Variants in NYAP2 observed in about 807,000 individuals in gnomAD.
NYAP2 encodes neuronal tyrosine-phosphorylated phosphoinositide-3-kinase adapter 2.
Under a neutral mutation model 50.4 loss-of-function variants are expected in NYAP2, and 23 were observed. The ratio of observed to expected loss-of-function variants is 0.46; its 90% confidence interval spans 0.33 to 0.65. NYAP2 has a LOEUF of 0.65. Among genes scored for constraint, NYAP2 ranks in the 30% least tolerant of loss-of-function variants. NYAP2 has a pLI of 0.02. For synonymous variants in NYAP2, 394 were observed against 365.2 expected (o/e 1.08, Z -0.90); for missense variants, 885 against 861.0 (o/e 1.03, Z -0.35).
intron 3 of NYAP2, among the ~76,000 whole-genome samples, chr2:225,495,747 C>T (rs1045144336): frequency 7.9e-5 from 12 of 152,032 alleles, no homozygotes; most frequent in Admixed American, 2.6e-4. Flanking sequence ...GCAGTGTCGC[C>T]GCATTATGTA....
At chr2:225,655,913 C>CACACACACACAT (rs1693815720), downstream of NYAP2, among the ~76,000 whole-genome samples, 4 of 147,550 alleles carry the variant, frequency 2.7e-5, no homozygotes, top group African/African-American at 9.9e-5. Flanking sequence ...CACACACACA[C>CACACACACACAT]ACACACACAC....
chr2:225,553,198 A>G (rs980834500), intron 4 of NYAP2, among the ~76,000 whole-genome samples: 1 of 152,268 alleles, frequency 6.6e-6, no homozygotes, highest in African/African-American at 2.4e-5. Context: ...AGCTGGTTCT[A>G]GGACCACTAG....
intron 5 of NYAP2, among the ~76,000 whole-genome samples, chr2:225,587,003 C>T (rs761699945): frequency 6.6e-6 from 1 of 152,190 alleles, no homozygotes; most frequent in Non-Finnish European, 1.5e-5. Context: ...ACCTTTTTCA[C>T]ATGGTGGCAG....
intron 5 of NYAP2, among the ~76,000 whole-genome samples, chr2:225,616,576 T>C (rs1304376176): frequency 1.3e-5 from 2 of 152,164 alleles, no homozygotes; most frequent in African/African-American, 4.8e-5. Context: ...TAGATTCGTA[T>C]CAGGAGTACC....
intron 5 of NYAP2, among the ~76,000 whole-genome samples, chr2:225,608,679 TA>T (rs1692830664): frequency 6.6e-6 from 1 of 152,130 alleles, no homozygotes; most frequent in African/African-American, 2.4e-5. Flanking sequence ...TTGTGGGCTT[TA>T]ACTTGCTTAT....
intron 4 of NYAP2, among the ~76,000 whole-genome samples, chr2:225,568,886 C>T (rs76316862): frequency 1.3e-5 from 2 of 152,016 alleles, no homozygotes; most frequent in Admixed American, 6.6e-5. Flanking sequence ...AAAGCTTTCC[C>T]CCTTATACTC....
intron 5 of NYAP2, among the ~76,000 whole-genome samples, chr2:225,598,981 G>C (rs1379698062): frequency 6.6e-6 from 1 of 152,200 alleles, no homozygotes. Flanking sequence ...ATTTAAGGAA[G>C]CCAGGAAGCT....
intron 2 of NYAP2, among the ~76,000 whole-genome samples, chr2:225,407,308 A>G (rs1221917912): frequency 6.6e-6 from 1 of 152,032 alleles, no homozygotes; most frequent in Non-Finnish European, 1.5e-5. Context: ...ATTCAATTAC[A>G]CCAGATAGTT....
chr2:225,547,150 A>G (rs1271867025), intron 4 of NYAP2, among the ~76,000 whole-genome samples: 1 of 152,178 alleles, frequency 6.6e-6, no homozygotes, highest in Non-Finnish European at 1.5e-5. Context: ...TGCACTGCCA[A>G]GCAAACCATT....
chr2:225,408,983 G>A, exon 3 of NYAP2: 1 of 1,612,336 alleles, frequency 6.2e-7, no homozygotes, highest in Non-Finnish European at 8.5e-7. Flanking sequence ...TGATGGCTTG[G>A]TTATTCAGAA....
chr2:225,549,007 A>G (rs756791205), intron 4 of NYAP2, among the ~76,000 whole-genome samples: 10 of 152,078 alleles, frequency 6.6e-5, no homozygotes, highest in Non-Finnish European at 1.3e-4. Context: ...CAGCTCCCCA[A>G]GTAGCTGGGA....
At chr2:225,682,614 A>G in the NYAP2 span, among the ~76,000 whole-genome samples, 1 of 152,336 alleles carries the variant, frequency 6.6e-6, no homozygotes, top group East Asian at 1.9e-4. Context: ...TTATGAAAGC[A>G]TGGCTTTGTG....
At chr2:225,585,799 A>G (rs1312793703) in intron 5 of NYAP2, among the ~76,000 whole-genome samples, 1 of 152,248 alleles carries the variant, frequency 6.6e-6, no homozygotes, top group East Asian at 1.9e-4. Flanking sequence ...AAGGTCTCTC[A>G]GAATCTTTTC....
chr2:225,436,401 T>C (rs138191408), intron 3 of NYAP2, among the ~76,000 whole-genome samples: 5 of 152,294 alleles, frequency 3.3e-5, no homozygotes, highest in Admixed American at 2.6e-4. Context: ...TGACAATCTC[T>C]GGCATTCCTT....
At chr2:225,521,490 T>C (rs1440405164) in intron 4 of NYAP2, among the ~76,000 whole-genome samples, 1 of 152,138 alleles carries the variant, frequency 6.6e-6, no homozygotes, top group Non-Finnish European at 1.5e-5. Flanking sequence ...TGAAGGGTTG[T>C]TGAATTTTGT....
chr2:225,583,223 A>G (rs1441050842), intron 5 of NYAP2, among the ~76,000 whole-genome samples, 188 bp downstream of exon 5: 1 of 152,256 alleles, frequency 6.6e-6, no homozygotes, highest in Non-Finnish European at 1.5e-5. Context: ...TCCTGAAAGT[A>G]TTAAAAATGG....
chr2:225,641,480 C>A (rs1693532624), intron 6 of NYAP2, among the ~76,000 whole-genome samples: 1 of 114,042 alleles, frequency 8.8e-6, no homozygotes, highest in African/African-American at 3.9e-5. Context: ...AACACACACA[C>A]AATTTTTTTT....
chr2:225,494,486 C>T (rs1228171776), intron 3 of NYAP2, among the ~76,000 whole-genome samples: 3 of 152,218 alleles, frequency 2.0e-5, no homozygotes, highest in Non-Finnish European at 4.4e-5. Context: ...TTCATCTTCT[C>T]ATCCCCATTT....
At chr2:225,446,218 C>CTG (rs747971215) in intron 3 of NYAP2, among the ~76,000 whole-genome samples, 13,812 of 78,384 alleles carry the variant, frequency 0.18, 1,289 homozygotes, top group African/African-American at 0.24. Flanking sequence ...GTCTGTCTGT[C>CTG]TCTCTCTCTC....
Sources: gnomAD v4.1 joint callset for allele counts (sites outside exome capture counted in the v4.1 genomes callset) on GRCh38, gnomAD v4.1.1 for gene constraint, MANE v1.5 for transcripts, NCBI Gene and HGNC (gene_info 2026-07-23, HGNC 2026-07-21) for gene names.